RBM43: variants seen among roughly 807,000 people sequenced by gnomAD.
RBM43 encodes the protein RNA binding motif protein 43.
In RBM43, 12 loss-of-function variants were observed where a neutral mutation model predicts 12.4. That is an observed-to-expected ratio of 0.97 (90% CI 0.62 to 1.57). RBM43 has a LOEUF of 1.57. Ranked by LOEUF, RBM43 falls within the 40% of genes most tolerant of loss-of-function variation. The pLI, the probability that RBM43 is intolerant of heterozygous loss-of-function variation, is 0.00. For missense variants in RBM43, 348 were observed against 400.1 expected (o/e 0.87, Z 1.11); for synonymous variants, 138 against 145.7 (o/e 0.95, Z 0.38).
rs765752612 is a variant in RBM43, at chr2:151,251,473, T to A, written c.507A>T (p.Arg169Ser). ...VKRLRESLLA[R>S]ACSLLEKDRN... is the part of the protein sequence containing the mutation. The stretch of plus-strand genomic sequence containing the variant: ...TGTCTTTTTCTAAGAGAGAACATGC[T>A]CTTGCTAGCAAAGATTCTCTGAGCC... Residue 169 changes from arginine (R) to serine (S), a missense_variant, in exon 4 of 4, where the codon AGA becomes AGT. Arg to Ser is a moderately radical substitution (Grantham distance 110). Coordinates refer to ENST00000331426, the MANE Select transcript of RBM43 (RefSeq NM_198557.3). The A allele has an allele frequency of 1.9e-6, 3 of 1,614,152 alleles. No homozygotes were observed. The highest frequency in any genetic ancestry group is 2.5e-6 in the Non-Finnish European group (3 of 1,179,986).
At position 151,251,996 on chromosome 2, in the gene RBM43, T is replaced by C. The variant is rs548018087; in HGVS notation, c.316-332A>G. ...TGCTTGGATAGGGTTCCCCCAGGAGTCATTCCTGCCCCCAGTCAAGTTCAT... is the reference window on the plus strand; with the variant it reads ...TGCTTGGATAGGGTTCCCCCAGGAGCCATTCCTGCCCCCAGTCAAGTTCAT... On this transcript the variant is annotated intron_variant, in intron 3 of 3. Transcript: ENST00000331426. Among the ~76,000 whole-genome samples the C allele has an allele frequency of 1.7e-3, 261 of 152,192 alleles. 2 individuals carry two copies. Among genetic ancestry groups the C allele is most frequent in the African/African-American group, 6.1e-3 (255 of 41,538 alleles).
intron 1 of RBM43, among the ~76,000 whole-genome samples, chr2:151,258,132 G>C (rs1682997766): frequency 6.6e-6 from 1 of 152,070 alleles, no homozygotes; most frequent in Non-Finnish European, 1.5e-5. Context: ...CGATAAGACA[G>C]AGGGAAAGAG....
intron 1 of RBM43, among the ~76,000 whole-genome samples, chr2:151,257,116 C>T (rs1682984967): frequency 6.6e-6 from 1 of 152,148 alleles, no homozygotes; most frequent in Non-Finnish European, 1.5e-5. Context: ...AACAGTCCAC[C>T]CGAGCTCAAA....
intron 1 of RBM43, among the ~76,000 whole-genome samples, chr2:151,258,743 C>A (rs1214539953): frequency 2.6e-5 from 4 of 152,052 alleles, no homozygotes; most frequent in Non-Finnish European, 5.9e-5. Flanking sequence ...AGAGAACCTG[C>A]TAGCATGTAT....
chr2:151,259,725 G>A (rs1404977535), intron 1 of RBM43, among the ~76,000 whole-genome samples: 2 of 152,226 alleles, frequency 1.3e-5, no homozygotes, highest in Non-Finnish European at 2.9e-5. Flanking sequence ...AAGAATAAAG[G>A]CAGGGCCATC....
chr2:151,261,433 A>T (rs1383312601), intron 1 of RBM43: 1 of 1,550,614 alleles, frequency 6.4e-7, no homozygotes, highest in East Asian at 2.4e-5. Context: ...GGGAGGTGAC[A>T]GCCTAGTCCT....
At position 151,255,122 on chromosome 2, in the gene RBM43, A is replaced by T. The variant is rs535006642; in HGVS notation, c.214+411T>A. ...TATTCACAATAAAATATTTTTTTTTAAAGTTACTTTAGCCAGGCGTGGTGG... is the reference window on the plus strand; with the variant it reads ...TATTCACAATAAAATATTTTTTTTTTAAGTTACTTTAGCCAGGCGTGGTGG... On this transcript the variant is annotated intron_variant, in intron 2 of 3. Transcript: ENST00000331426. Among the ~76,000 whole-genome samples the T allele has an allele frequency of 4.6e-5, 7 of 152,126 alleles. No individual in the cohort carries two copies. The South Asian group carries it at 1.2e-3, about 27-fold the overall frequency.
rs1300241545 is a variant in RBM43 at position 151,250,177 on chromosome 2, T to C, written c.*729A>G. The C allele has an allele frequency of 6.6e-6, 1 of 152,226 alleles. No homozygotes were observed. The highest frequency in any genetic ancestry group is 1.5e-5 in the Non-Finnish European group (1 of 68,040). 9.4% of individuals were successfully genotyped at this position (152,226 alleles called of 1,614,324 possible). ...TTCTACACGGAGTAAACACAAACTG[T>C]AAATGTTAAGAAATTGCCCATGGCA... is the stretch of plus-strand genomic sequence containing the variant. On this transcript the variant is annotated 3_prime_UTR_variant, in exon 4 of 4. Coordinates refer to ENST00000331426, the MANE Select transcript of RBM43 (RefSeq NM_198557.3).
intron 1 of RBM43, 101 bp from the exon 2 acceptor site, chr2:151,255,844 G>T: frequency 1.2e-6 from 1 of 852,438 alleles, no homozygotes; most frequent in Non-Finnish European, 1.9e-6. Context: ...CTATAAAAGT[G>T]CCGGTGCAGC....
In RBM43 at chr2:151,261,752, C is replaced by A. The variant is rs557541102; in HGVS notation, c.-25G>T. The A allele has an allele frequency of 1.9e-6, 3 of 1,600,712 alleles. No individual in the cohort carries two copies. Among genetic ancestry groups the A allele is most frequent in the Non-Finnish European group, 2.6e-6 (3 of 1,174,130 alleles). On this transcript the variant is annotated 5_prime_UTR_variant, in exon 1 of 4. Transcript: ENST00000331426. ...TGGCGGAGGGGAGACGCGCCCTCAG[C>A]GGCCGCAGAAAGCCCACAACCAGCG...
chr2:151,255,962 C>G (rs1416349732), intron 1 of RBM43, among the ~76,000 whole-genome samples: 2 of 151,906 alleles, frequency 1.3e-5, no homozygotes, highest in Non-Finnish European at 2.9e-5. Flanking sequence ...AAATTAAACC[C>G]TTCTTTTTTT....
chr2:151,258,665 C>T (rs759097264), intron 1 of RBM43, among the ~76,000 whole-genome samples: 21 of 152,120 alleles, frequency 1.4e-4, no homozygotes, highest in Non-Finnish European at 2.6e-4. Flanking sequence ...GGCACCACTG[C>T]ACTCCAGCCT....
intron 3 of RBM43, 146 bp from the exon 4 acceptor site, chr2:151,251,810 C>T: frequency 1.3e-6 from 1 of 748,216 alleles, no homozygotes. Context: ...TGACTTCTTG[C>T]ACCAGGGCAG....
chr2:151,254,550 T>C (rs909344578), intron 2 of RBM43, among the ~76,000 whole-genome samples: 1 of 152,154 alleles, frequency 6.6e-6, no homozygotes, highest in Non-Finnish European at 1.5e-5. Flanking sequence ...GTTCTCTTGC[T>C]CTGCTCCAAC....
chr2:151,255,511 C>A, intron 2 of RBM43, 22 bp downstream of exon 2: 1 of 1,496,468 alleles, frequency 6.7e-7, no homozygotes, highest in Non-Finnish European at 9.2e-7. Flanking sequence ...TCTAAAATTA[C>A]AAAAATTTGA....
intron 1 of RBM43, chr2:151,261,415 G>T (rs921849786): frequency 1.3e-6 from 2 of 1,550,658 alleles, no homozygotes; most frequent in Non-Finnish European, 1.7e-6. Flanking sequence ...CGCCTGGGCA[G>T]TGGGTGTGGG....
Position 151,250,695 on chromosome 2 carries a change from C to T in RBM43, c.*211G>A. The T allele has an allele frequency of 2.2e-6, 1 of 458,014 alleles. No homozygotes were observed. The highest frequency in any genetic ancestry group is 3.8e-6 in the Non-Finnish European group (1 of 260,778). The allele number at this position is 458,014 out of a possible 1,614,324, so 28.4% of individuals were successfully genotyped here. ...GATAGACTGGGCTAAGCCACAGCCT[C>T]ATTCTTTGTCAACTGGATAACTTCA... On this transcript the variant is annotated 3_prime_UTR_variant, in exon 4 of 4. Coordinates refer to ENST00000331426, the MANE Select transcript of RBM43 (RefSeq NM_198557.3).
At chr2:151,260,734 T>A (rs1024261511) in intron 1 of RBM43, among the ~76,000 whole-genome samples, 2 of 152,204 alleles carry the variant, frequency 1.3e-5, no homozygotes, top group African/African-American at 4.8e-5. Flanking sequence ...AGGTCAATTA[T>A]GAATAATGAG....
intron 1 of RBM43, among the ~76,000 whole-genome samples, chr2:151,259,383 C>T (rs904611325): frequency 6.6e-6 from 1 of 152,134 alleles, no homozygotes; most frequent in African/African-American, 2.4e-5. Context: ...CAGTAGTTCA[C>T]GGCTGTAATC....
Sources: gnomAD v4.1 joint callset for allele counts (sites outside exome capture counted in the v4.1 genomes callset) on GRCh38, gnomAD v4.1.1 for gene constraint, MANE v1.5 for transcripts, NCBI Gene and HGNC (gene_info 2026-07-23, HGNC 2026-07-21) for gene names.